PTK2: variants seen among roughly 807,000 people sequenced by gnomAD.
PTK2 encodes the protein protein tyrosine kinase 2.
PTK2 carries 45 observed loss-of-function variants against 150.1 expected under a neutral mutation model. The observed-to-expected ratio is 0.30, with a 90% CI of 0.24 to 0.38. The LOEUF (loss-of-function observed/expected upper bound fraction) is 0.38. PTK2 is among the 10% of genes least tolerant of loss of function. The pLI is 1.00. For synonymous variants in PTK2, 432 were observed against 449.2 expected (o/e 0.96, Z 0.48); for missense variants, 919 against 1,307.3 (o/e 0.70, Z 4.58).
intron 27 of PTK2, among the ~76,000 whole-genome samples, chr8:140,676,583 A>T (rs1274721938): frequency 2.3e-5 from 3 of 129,060 alleles, no homozygotes; most frequent in African/African-American, 8.5e-5. Flanking sequence ...GTCACTGGGG[A>T]CTTCGAAGAG....
intron 24 of PTK2, 88 bp from the exon 28 acceptor site, chr8:140,702,795 G>T: frequency 7.1e-7 from 1 of 1,406,244 alleles, no homozygotes; most frequent in Non-Finnish European, 9.7e-7. Context: ...AAATTACAGA[G>T]AATATTGTGG....
chr8:140,987,180 C>G (rs1310260363), intron 1 of PTK2, among the ~76,000 whole-genome samples: 2 of 152,074 alleles, frequency 1.3e-5, no homozygotes, highest in Non-Finnish European at 2.9e-5. Context: ...GAAAAAAACA[C>G]CTTTTTTTAA....
intron 2 of PTK2, among the ~76,000 whole-genome samples, chr8:140,923,610 T>C (rs896163406): frequency 2.6e-5 from 4 of 152,236 alleles, no homozygotes; most frequent in Non-Finnish European, 5.9e-5. Context: ...CTACAGTTAA[T>C]GGCAACATAA....
chr8:140,798,578 AG>A (rs1327819302), intron 12 of PTK2, among the ~76,000 whole-genome samples: 2 of 152,196 alleles, frequency 1.3e-5, no homozygotes, highest in African/African-American at 4.8e-5. Flanking sequence ...GCTAGCTAAT[AG>A]TGAAATCAAC....
chr8:140,990,742 C>T (rs1345740680), intron 1 of PTK2, among the ~76,000 whole-genome samples: 1 of 152,140 alleles, frequency 6.6e-6, no homozygotes, highest in Non-Finnish European at 1.5e-5. Flanking sequence ...TGTTAACTTT[C>T]ATATACTTAA....
At chr8:140,786,627 G>C (rs1005411261) in intron 14 of PTK2, among the ~76,000 whole-genome samples, 4 of 151,986 alleles carry the variant, frequency 2.6e-5, no homozygotes, top group Non-Finnish European at 4.4e-5. Flanking sequence ...AGAAGGGAGG[G>C]AGGGCCGGCA....
intron 16 of PTK2, among the ~76,000 whole-genome samples, chr8:140,759,463 G>A (rs2098075392): frequency 6.9e-6 from 1 of 144,900 alleles, no homozygotes; most frequent in Non-Finnish European, 1.5e-5. Context: ...GAGCCTGGGA[G>A]GTTGAGGCTG....
intron 2 of PTK2, among the ~76,000 whole-genome samples, chr8:140,897,347 T>C (rs775226875): frequency 6.6e-6 from 1 of 152,176 alleles, no homozygotes; most frequent in Non-Finnish European, 1.5e-5. Context: ...ATTTTGCTCC[T>C]ATCCTTTCAG....
intron 4 of PTK2, among the ~76,000 whole-genome samples, chr8:140,879,000 A>G (rs2100147302): frequency 6.6e-6 from 1 of 152,176 alleles, no homozygotes; most frequent in South Asian, 2.1e-4. Context: ...GTGAATATCA[A>G]ATATACACTC....
chr8:140,892,541 C>T (rs1001011159), intron 2 of PTK2: 5 of 414,434 alleles, frequency 1.2e-5, no homozygotes, highest in African/African-American at 1.1e-4. Context: ...GTCAACTCCC[C>T]ACTATCTGTC....
intron 14 of PTK2, among the ~76,000 whole-genome samples, chr8:140,786,849 C>T (rs1193411303): frequency 6.6e-6 from 1 of 151,988 alleles, no homozygotes; most frequent in Non-Finnish European, 1.5e-5. Flanking sequence ...GAAAGTGAAA[C>T]TATTTTTATA....
At chr8:140,863,747 G>A (rs2100137640) in intron 5 of PTK2, among the ~76,000 whole-genome samples, 1 of 152,168 alleles carries the variant, frequency 6.6e-6, no homozygotes. Flanking sequence ...CTAGACAGAA[G>A]AATTTAAAGG....
chr8:140,885,764 G>A (rs907002540), intron 3 of PTK2, among the ~76,000 whole-genome samples: 1 of 152,122 alleles, frequency 6.6e-6, no homozygotes, highest in Non-Finnish European at 1.5e-5. Flanking sequence ...GAAACAGGAA[G>A]CAGAAAGAAA....
intron 27 of PTK2, among the ~76,000 whole-genome samples, chr8:140,681,500 G>A (rs541756316): frequency 8.5e-5 from 13 of 152,264 alleles, no homozygotes; most frequent in Admixed American, 1.3e-4. Flanking sequence ...GGCCGGGCGC[G>A]GTGGCTCACG....
chr8:140,927,322 T>C (rs2100169841), intron 1 of PTK2: 1 of 152,318 alleles, frequency 6.6e-6, no homozygotes, highest in African/African-American at 2.4e-5. Flanking sequence ...ATAAATGCAA[T>C]TTATCCACAG....
In PTK2 at chr8:140,876,646, A is replaced by T. The variant is rs146987649; in HGVS notation, c.362+2825T>A. Among the ~76,000 whole-genome samples, 5 of 151,950 alleles carry T rather than the reference A, an allele frequency of 3.3e-5. No homozygotes were observed. The East Asian group carries it at 9.7e-4, about 29-fold the overall frequency. On this transcript the variant is annotated intron_variant, in intron 4 of 31. Transcript: ENST00000522684. ...CCTCTTCTCCATTCTTTTTTATTCTATTCTTCTTGAGTTTCTGTTAGAAAT... is the reference window on the plus strand; with the variant it reads ...CCTCTTCTCCATTCTTTTTTATTCTTTTCTTCTTGAGTTTCTGTTAGAAAT...
At chr8:140,993,302 C>T (rs753735061) in intron 1 of PTK2, among the ~76,000 whole-genome samples, 7 of 152,190 alleles carry the variant, frequency 4.6e-5, no homozygotes, top group East Asian at 1.9e-4. Flanking sequence ...CATGCGCCAC[C>T]GTGCCTGGCC....
chr8:140,671,797 T>C (rs887424991), intron 29 of PTK2, among the ~76,000 whole-genome samples: 1 of 143,868 alleles, frequency 7.0e-6, no homozygotes, highest in Non-Finnish European at 1.5e-5. Context: ...ATGGGCCTGG[T>C]GGCGGGTGCC....
chr8:140,933,938 G>A (rs1439433952), intron 1 of PTK2, among the ~76,000 whole-genome samples: 1 of 151,696 alleles, frequency 6.6e-6, no homozygotes, highest in African/African-American at 2.4e-5. Flanking sequence ...TGCCACACAC[G>A]AGGAAGATAA....
Sources: gnomAD v4.1 joint callset for allele counts (sites outside exome capture counted in the v4.1 genomes callset) on GRCh38, gnomAD v4.1.1 for gene constraint, MANE v1.5 for transcripts, NCBI Gene and HGNC (gene_info 2026-07-23, HGNC 2026-07-21) for gene names.